CDC73: variants seen among roughly 807,000 people sequenced by gnomAD.
CDC73 encodes the protein cell division cycle 73.
Under a neutral mutation model 83.7 loss-of-function variants are expected in CDC73, and 21 were observed. The ratio of observed to expected loss-of-function variants is 0.25; its 90% CI spans 0.18 to 0.36. CDC73 has a LOEUF of 0.36. Among genes scored for constraint, CDC73 ranks in the 10% least tolerant of loss-of-function variants. CDC73 has a pLI of 1.00. For synonymous variants in CDC73, 224 were observed against 212.9 expected (o/e 1.05, Z -0.45); for missense variants, 342 against 653.3 (o/e 0.52, Z 5.19).
At chr1:193,172,140 GTC>G (rs1056425517) in intron 10 of CDC73, among the ~76,000 whole-genome samples, 2 of 151,650 alleles carry the variant, frequency 1.3e-5, no homozygotes, top group African/African-American at 2.4e-5. Context: ...GGCTAGGTTG[GTC>G]TCAAATGTCT....
chr1:193,199,149 A>G (rs917428187), intron 10 of CDC73, among the ~76,000 whole-genome samples: 1 of 152,216 alleles, frequency 6.6e-6, no homozygotes, highest in African/African-American at 2.4e-5. Flanking sequence ...TCTTAAAAAA[A>G]TTGTGCTTAT....
chr1:193,236,848 C>G (rs1433706569), intron 15 of CDC73: 1 of 159,212 alleles, frequency 6.3e-6, no homozygotes, highest in East Asian at 1.8e-4. Context: ...GAGCCGAGAT[C>G]ACTTCAGCCT....
intron 8 of CDC73, 122 bp downstream of exon 8, chr1:193,148,087 A>T (rs1676040923): frequency 1.4e-6 from 1 of 737,966 alleles, no homozygotes; most frequent in African/African-American, 1.7e-5. Flanking sequence ...TTGCTCCTTT[A>T]GCATATCTGA....
At chr1:193,179,255 A>G (rs1386123513) in intron 10 of CDC73, 1 of 152,244 alleles carries the variant, frequency 6.6e-6, no homozygotes, top group Admixed American at 6.5e-5. Flanking sequence ...TAGGTGCCAT[A>G]AAATGATTAA....
At chr1:193,245,186 A>G (rs1395038556) in intron 15 of CDC73, among the ~76,000 whole-genome samples, 1 of 152,156 alleles carries the variant, frequency 6.6e-6, no homozygotes, top group Non-Finnish European at 1.5e-5. Context: ...GAAACTATGT[A>G]TTATTGTTAA....
chr1:193,149,576 A>G (rs1676069422), intron 8 of CDC73, among the ~76,000 whole-genome samples: 1 of 152,172 alleles, frequency 6.6e-6, no homozygotes. Context: ...AATGTTTGGC[A>G]TTTGACTATA....
chr1:193,245,778 A>G (rs1677944398), intron 15 of CDC73, among the ~76,000 whole-genome samples: 1 of 152,064 alleles, frequency 6.6e-6, no homozygotes, highest in East Asian at 1.9e-4. Flanking sequence ...CCCTTTCTCC[A>G]CATCCTCTGG....
chr1:193,237,675 C>CA (rs1435918848), intron 15 of CDC73, among the ~76,000 whole-genome samples: 1 of 152,038 alleles, frequency 6.6e-6, no homozygotes, highest in African/African-American at 2.4e-5. Context: ...TGTGTTGACT[C>CA]AAAGCCTTTG....
At chr1:193,172,354 T>C (rs1240509586) in intron 10 of CDC73, among the ~76,000 whole-genome samples, 1 of 151,966 alleles carries the variant, frequency 6.6e-6, no homozygotes, top group Non-Finnish European at 1.5e-5. Context: ...TTTGTATTGA[T>C]TTGCAGTGGA....
intron 13 of CDC73, among the ~76,000 whole-genome samples, chr1:193,227,797 A>G (rs896171526): frequency 2.0e-5 from 3 of 152,206 alleles, no homozygotes; most frequent in African/African-American, 4.8e-5. Context: ...GTATTATTAT[A>G]TATTGATAGG....
Position 193,251,638 on chromosome 1 carries a change from C to T in CDC73, c.*926C>T, listed in dbSNP as rs1678044266. 1 of 232,036 alleles carries T rather than the reference C, an allele frequency of 4.3e-6. No individual in the cohort carries two copies. The highest frequency in any genetic ancestry group is 8.5e-6 in the Non-Finnish European group (1 of 117,042). 14.4% of individuals were successfully genotyped at this position (232,036 alleles called of 1,614,324 possible). A position where few individuals can be genotyped will look rare whatever the true frequency, so the allele number is the denominator to read the frequency against. ...TTATCCCTAAATATTGATAAACTCC[C>T]AGGCACCAAAGAAAACATTTGCTTA... is the stretch of plus-strand genomic sequence containing the variant. On this transcript the variant is annotated 3_prime_UTR_variant, in exon 17 of 17. Transcript: ENST00000367435.
At chr1:193,180,921 A>G (rs761170065) in intron 10 of CDC73, 5 of 1,613,764 alleles carry the variant, frequency 3.1e-6, no homozygotes, top group Non-Finnish European at 4.2e-6. Flanking sequence ...GTTGAATTAT[A>G]TCATGATATT....
chr1:193,168,617 C>T (rs551900469), intron 10 of CDC73, among the ~76,000 whole-genome samples: 19 of 151,958 alleles, frequency 1.3e-4, no homozygotes, highest in East Asian at 3.9e-4. Flanking sequence ...CTCCATTTCC[C>T]GGGTTCAAGC....
chr1:193,135,868 C>CTTTT, intron 5 of CDC73, among the ~76,000 whole-genome samples: 1 of 127,156 alleles, frequency 7.9e-6, no homozygotes, highest in African/African-American at 2.9e-5. Context: ...CCTTTCTGTT[C>CTTTT]TTTTTTTTTT....
chr1:193,172,273 T>C (rs1014923689), intron 10 of CDC73, among the ~76,000 whole-genome samples: 13 of 148,638 alleles, frequency 8.7e-5, no homozygotes, highest in African/African-American at 3.2e-4. Flanking sequence ...TTACTTAAAA[T>C]GAGTAATATT....
chr1:193,194,543 T>G (rs903186085), intron 10 of CDC73, among the ~76,000 whole-genome samples: 1 of 152,196 alleles, frequency 6.6e-6, no homozygotes, highest in Non-Finnish European at 1.5e-5. Context: ...TCTGCCAGTT[T>G]TAAATGAACA....
intron 13 of CDC73, among the ~76,000 whole-genome samples, chr1:193,222,119 C>T (rs1454559018): frequency 6.6e-6 from 1 of 152,054 alleles, no homozygotes; most frequent in Non-Finnish European, 1.5e-5. Flanking sequence ...AAAAAATACA[C>T]TTTACATCTA....
At chr1:193,212,202 T>G in intron 12 of CDC73, 102 bp downstream of exon 12, 2 of 1,018,740 alleles carry the variant, frequency 2.0e-6, no homozygotes, top group Non-Finnish European at 3.0e-6. Context: ...TGTTTGTGCT[T>G]GGTATCCATT....
chr1:193,200,521 G>T (rs1172126311), intron 10 of CDC73, among the ~76,000 whole-genome samples: 5 of 152,110 alleles, frequency 3.3e-5, no homozygotes, highest in African/African-American at 1.2e-4. Flanking sequence ...TGTTAATTCA[G>T]TTATTACTTT....
Sources: gnomAD v4.1 joint callset for allele counts (sites outside exome capture counted in the v4.1 genomes callset) on GRCh38, gnomAD v4.1.1 for gene constraint, MANE v1.5 for transcripts, NCBI Gene and HGNC (gene_info 2026-07-23, HGNC 2026-07-21) for gene names.